EYS: variants seen among roughly 807,000 people sequenced by gnomAD.
The protein encoded by EYS is EGF-like photoreceptor maintenance factor, also known as protein eyes shut homolog.
In EYS, 250 loss-of-function variants were observed where a neutral mutation model predicts 282.1. That is an observed-to-expected ratio of 0.89 (90% CI 0.80 to 0.98). EYS has a LOEUF of 0.98. Ranked by LOEUF, EYS falls within the 50% of genes least tolerant of loss-of-function variation. The probability of loss-of-function intolerance (pLI) is 0.00; values close to 1 mark genes in which losing one functional copy is unlikely to be tolerated. For missense variants in EYS, 4,016 were observed against 3,709.0 expected, an observed-to-expected ratio of 1.08 and a Z score of -2.15; for synonymous variants, 1,355 against 1,282.9, an observed-to-expected ratio of 1.06 and a Z score of -1.20.
At chr6:65,292,085 A>G in intron 12 of EYS, among the ~76,000 whole-genome samples, 1 of 151,674 alleles carries the variant, frequency 6.6e-6, no homozygotes, top group East Asian at 1.9e-4. Context: ...AAAACAAAAT[A>G]TTTTCTGAAG....
chr6:63,892,130 A>C (rs61118398), intron 35 of EYS, among the ~76,000 whole-genome samples: 17,878 of 152,248 alleles, frequency 0.12, 1,285 homozygotes, highest in African/African-American at 0.19. Flanking sequence ...GGAATAATCA[A>C]TATTGTGAAA....
chr6:63,866,058 G>A (rs1212474012), intron 35 of EYS, among the ~76,000 whole-genome samples: 2 of 152,018 alleles, frequency 1.3e-5, no homozygotes, highest in African/African-American at 4.8e-5. Flanking sequence ...TTTCAGAATT[G>A]GGAAAAAATT....
chr6:65,221,997 C>A (rs573931793), intron 12 of EYS, among the ~76,000 whole-genome samples: 1 of 152,240 alleles, frequency 6.6e-6, no homozygotes, highest in South Asian at 2.1e-4. Context: ...CAATTTCTCC[C>A]ATTTGAAATG....
intron 12 of EYS, among the ~76,000 whole-genome samples, chr6:65,242,393 G>T (rs1388627564): frequency 2.0e-5 from 3 of 151,882 alleles, no homozygotes; most frequent in Non-Finnish European, 4.4e-5. Flanking sequence ...TTGTCTTTGT[G>T]ACTGTCTTGT....
intron 8 of EYS, among the ~76,000 whole-genome samples, chr6:65,363,635 T>C (rs1242355577): frequency 2.0e-5 from 3 of 152,040 alleles, no homozygotes; most frequent in Non-Finnish European, 1.5e-5. Context: ...TTTTCATAAT[T>C]AGTTAAAAAC....
intron 29 of EYS, among the ~76,000 whole-genome samples, chr6:64,344,953 C>T (rs964127212): frequency 1.3e-5 from 2 of 152,008 alleles, no homozygotes; most frequent in African/African-American, 4.8e-5. Flanking sequence ...TTCATAATTG[C>T]TTCAAAGAGA....
rs2127272183 is a variant in EYS, at chr6:65,495,534, T to C, written c.-124A>G. On this transcript the variant is annotated 5_prime_UTR_variant, in exon 4 of 43. Transcript: ENST00000503581. ...TTCCTGGGAATTGGAATTGACCTTT[T>C]TTCTATACCCAAAGTAGCTTTGATG... The C allele has an allele frequency of 1.1e-6, 1 of 942,474 alleles. No individual in the cohort carries two copies. The allele number at this position is 942,474 out of a possible 1,614,324, so 58.4% of individuals were successfully genotyped here. A position where few individuals can be genotyped will look rare whatever the true frequency, so the allele number is the denominator to read the frequency against.
chr6:64,358,233 T>G (rs1771893553), intron 29 of EYS, among the ~76,000 whole-genome samples: 2 of 151,602 alleles, frequency 1.3e-5, no homozygotes, highest in South Asian at 4.1e-4. Context: ...TGCAGCTTGA[T>G]AGAGACTGTC....
intron 5 of EYS, among the ~76,000 whole-genome samples, chr6:65,443,079 CTA>C (rs1388107144): frequency 1.3e-5 from 2 of 151,664 alleles, no homozygotes; most frequent in African/African-American, 4.8e-5. Flanking sequence ...ATGTATGTGT[CTA>C]TACATACATG....
At chr6:65,094,454 T>C (rs1466642349) in intron 12 of EYS, among the ~76,000 whole-genome samples, 3 of 151,396 alleles carry the variant, frequency 2.0e-5, no homozygotes, top group African/African-American at 7.2e-5. Flanking sequence ...GAATAATCTT[T>C]GGAACAGATC....
chr6:64,023,523 C>A (rs193170289), intron 33 of EYS, among the ~76,000 whole-genome samples: 1 of 152,180 alleles, frequency 6.6e-6, no homozygotes. Flanking sequence ...GGCATGGTCT[C>A]GATTTTTCCA....
intron 27 of EYS, among the ~76,000 whole-genome samples, chr6:64,438,957 A>G (rs1774841717): frequency 6.6e-6 from 1 of 151,668 alleles, no homozygotes; most frequent in South Asian, 2.1e-4. Context: ...ATTATTATTA[A>G]ATCAGTTTTT....
intron 12 of EYS, among the ~76,000 whole-genome samples, chr6:65,069,755 T>C (rs994221305): frequency 6.6e-6 from 1 of 152,008 alleles, no homozygotes; most frequent in Non-Finnish European, 1.5e-5. Context: ...ACTCCAAGTT[T>C]ACATCCTTAG....
At chr6:64,576,502 C>T (rs1005466672) in intron 26 of EYS, among the ~76,000 whole-genome samples, 1 of 151,874 alleles carries the variant, frequency 6.6e-6, no homozygotes, top group African/African-American at 2.4e-5. Context: ...AAATACCAAA[C>T]GAACATGTTG....
At chr6:64,553,293 G>A (rs1765143865) in intron 26 of EYS, among the ~76,000 whole-genome samples, 1 of 152,044 alleles carries the variant, frequency 6.6e-6, no homozygotes, top group Non-Finnish European at 1.5e-5. Context: ...AGCGATTTTA[G>A]TTTTCCTTTC....
At position 64,388,790 on chromosome 6, in the gene EYS, G is replaced by T; in HGVS notation, c.5978C>A (p.Thr1993Lys). The change falls in exon 29 of 43, where the codon ACA (threonine) becomes AAA (lysine). Residue 1993 changes from threonine (T) to lysine (K), a missense_variant. Physicochemically the swap from Thr to Lys is moderately conservative, Grantham distance 78. Transcript: ENST00000503581. ...NAELTILGRNTQICESINHVL... is the reference protein window; with the variant it reads ...NAELTILGRNKQICESINHVL... ...ATGATTGATAGATTCGCATATTTGT[G>T]TATTCCTCCCTAAAATAGTCAGCTC... 1.3e-6 allele frequency: 2 copies of T among 1,543,466 alleles called. No individual in the cohort carries two copies. Among genetic ancestry groups the T allele is most frequent in the Non-Finnish European group, 8.7e-7 (1 of 1,142,960 alleles).
intron 7 of EYS, among the ~76,000 whole-genome samples, chr6:65,391,032 C>T (rs1008699753): frequency 2.2e-4 from 34 of 152,008 alleles, no homozygotes; most frequent in African/African-American, 8.0e-4. Context: ...GGCTAAGGTT[C>T]CTTTAATCAG....
intron 12 of EYS, among the ~76,000 whole-genome samples, chr6:65,277,888 T>C (rs1768092749): frequency 6.6e-6 from 1 of 152,018 alleles, no homozygotes; most frequent in Non-Finnish European, 1.5e-5. Context: ...ACTTACAATG[T>C]TTATTTGTCA....
At chr6:65,311,092 T>A (rs1769144881) in intron 11 of EYS, among the ~76,000 whole-genome samples, 1 of 152,040 alleles carries the variant, frequency 6.6e-6, no homozygotes, top group Non-Finnish European at 1.5e-5. Flanking sequence ...TAAAAGAAAA[T>A]AAGTATATCT....
Sources: allele counts gnomAD v4.1 joint callset (sites outside exome capture counted in the v4.1 genomes callset), GRCh38; gene constraint gnomAD v4.1.1; transcripts MANE v1.5; gene names NCBI Gene and HGNC (gene_info 2026-07-23, HGNC 2026-07-21).